FGF12: variants seen among roughly 807,000 people sequenced by gnomAD.
FGF12 encodes the protein fibroblast growth factor 12B.
FGF12 carries 14 observed loss-of-function variants against 23.6 expected under a neutral mutation model. The ratio of observed to expected loss-of-function variants is 0.59; its 90% CI spans 0.39 to 0.93. FGF12 has a LOEUF of 0.93. Ranked by LOEUF, FGF12 falls within the 40% of genes least tolerant of loss-of-function variation. The pLI is 0.00. For missense variants in FGF12, 175 were observed against 217.8 expected, an observed-to-expected ratio of 0.80 and a Z score of 1.24; for synonymous variants, 62 against 77.3, an observed-to-expected ratio of 0.80 and a Z score of 1.04.
At chr3:192,578,859 A>C (rs1180258097) in intron 2 of FGF12, among the ~76,000 whole-genome samples, 1 of 152,146 alleles carries the variant, frequency 6.6e-6, no homozygotes, top group Non-Finnish European at 1.5e-5. Flanking sequence ...CCACCTGCAA[A>C]GGAACAGCCT....
At chr3:192,254,170 C>G (rs998836363) in intron 4 of FGF12, among the ~76,000 whole-genome samples, 6 of 151,790 alleles carry the variant, frequency 4.0e-5, no homozygotes, top group Non-Finnish European at 8.8e-5. Flanking sequence ...CCAATATCTC[C>G]CCAACCCCTC....
intron 4 of FGF12, among the ~76,000 whole-genome samples, chr3:192,314,263 T>C (rs368991044): frequency 1.4e-4 from 21 of 151,514 alleles, no homozygotes; most frequent in Admixed American, 1.3e-3. Context: ...GTAAAGTATA[T>C]TGCTTAAAAT....
At chr3:192,323,224 CA>C (rs1227978924) in intron 4 of FGF12, among the ~76,000 whole-genome samples, 1 of 151,992 alleles carries the variant, frequency 6.6e-6, no homozygotes, top group African/African-American at 2.4e-5. Context: ...TAGGTATATC[CA>C]AAAGAAAGGA....
At chr3:192,602,359 A>C (rs1577074171) in intron 2 of FGF12, among the ~76,000 whole-genome samples, 7 of 152,136 alleles carry the variant, frequency 4.6e-5, no homozygotes, top group Admixed American at 4.6e-4. Context: ...GGGTAAGGTG[A>C]GGGGTATTTG....
chr3:192,708,384 C>T (rs1718553046), intron 2 of FGF12, among the ~76,000 whole-genome samples: 1 of 152,070 alleles, frequency 6.6e-6, no homozygotes, highest in African/African-American at 2.4e-5. Flanking sequence ...ACTTTAGCTA[C>T]TTTATGCCTC....
Position 192,564,252 on chromosome 3 carries a change from C to T in FGF12, c.13+162929G>A, listed in dbSNP as rs138438892. 6.0e-3 allele frequency among the ~76,000 whole-genome samples: 909 copies of T among 152,084 alleles called. 12 individuals carry two copies. The highest frequency in any genetic ancestry group is 0.021 in the African/African-American group (878 of 41,496). ...CTAATTTGTGTATTTTTAGTAGAGA[C>T]GGGGTTTCTCCATGTTGAGCAGGCT... On this transcript the variant is annotated intron_variant, in intron 2 of 5. Coordinates refer to ENST00000445105, the MANE Select transcript of FGF12 (RefSeq NM_004113.6).
intron 4 of FGF12, among the ~76,000 whole-genome samples, chr3:192,332,832 A>G (rs1717193921): frequency 6.6e-6 from 1 of 152,072 alleles, no homozygotes; most frequent in Non-Finnish European, 1.5e-5. Flanking sequence ...AGTGTTGCCT[A>G]CGACATAGAA....
intron 5 of FGF12, among the ~76,000 whole-genome samples, chr3:192,165,128 AT>A (rs1347631423): frequency 6.6e-6 from 1 of 151,714 alleles, no homozygotes; most frequent in Non-Finnish European, 1.5e-5. Context: ...TAATTTTCAT[AT>A]TTTTTAGTAG....
chr3:192,314,268 TAAAATTA>T (rs575683585), intron 4 of FGF12, among the ~76,000 whole-genome samples: 413 of 150,778 alleles, frequency 2.7e-3, no homozygotes, highest in African/African-American at 9.4e-3. Flanking sequence ...GTATATTGCT[TAAAATTA>T]AAAATTAAAA....
intron 2 of FGF12, among the ~76,000 whole-genome samples, chr3:192,667,513 G>A (rs1382377586): frequency 6.6e-6 from 1 of 151,198 alleles, no homozygotes; most frequent in Middle Eastern, 3.2e-3. Flanking sequence ...GGAAGGCTGC[G>A]GCAGGAGCAT....
chr3:192,612,653 G>A (rs1714589092), intron 2 of FGF12, among the ~76,000 whole-genome samples: 1 of 151,874 alleles, frequency 6.6e-6, no homozygotes, highest in African/African-American at 2.4e-5. Flanking sequence ...ATATAAAAAT[G>A]ACCTACAAAT....
chr3:192,256,824 T>A (rs1243705467), intron 4 of FGF12, among the ~76,000 whole-genome samples: 1 of 152,174 alleles, frequency 6.6e-6, no homozygotes, highest in Non-Finnish European at 1.5e-5. Flanking sequence ...TTCCCTCAAC[T>A]CAGGCAATTT....
At chr3:192,560,344 T>C (rs988924500) in intron 2 of FGF12, among the ~76,000 whole-genome samples, 2 of 150,930 alleles carry the variant, frequency 1.3e-5, no homozygotes, top group African/African-American at 4.9e-5. Flanking sequence ...CTCAAATAAA[T>C]AAAAAAATAA....
chr3:192,630,719 AT>A (rs372293531), intron 2 of FGF12, among the ~76,000 whole-genome samples: 42,102 of 145,168 alleles, frequency 0.29, 6,520 homozygotes, highest in African/African-American at 0.42. Context: ...CGCCCGGCTA[AT>A]TTTTTTTTTT....
intron 3 of FGF12, among the ~76,000 whole-genome samples, chr3:192,337,929 T>C (rs566054575): frequency 1.3e-5 from 2 of 152,316 alleles, no homozygotes; most frequent in South Asian, 4.1e-4. Flanking sequence ...GCAAGATTAA[T>C]TTTCAAAGTG....
chr3:192,415,730 T>A (rs1424766958), intron 2 of FGF12, among the ~76,000 whole-genome samples: 1 of 60,292 alleles, frequency 1.7e-5, no homozygotes, highest in African/African-American at 5.7e-5. Context: ...TCTCTCTCTC[T>A]CTCACACACA....
chr3:192,364,261 G>A (rs866796620), intron 2 of FGF12, among the ~76,000 whole-genome samples: 3 of 152,162 alleles, frequency 2.0e-5, no homozygotes, highest in Non-Finnish European at 4.4e-5. Flanking sequence ...AAGACAAATA[G>A]GGTCAATGGA....
In FGF12 at chr3:192,323,011, C is replaced by T. The variant is rs539468205; in HGVS notation, c.228+12350G>A. Among the ~76,000 whole-genome samples the T allele has an allele frequency of 1.2e-4, 18 of 152,258 alleles. No individual in the cohort carries two copies. The East Asian group carries it at 1.7e-3, about 15-fold the overall frequency. On this transcript the variant is annotated intron_variant, in intron 4 of 5. Transcript: ENST00000445105. ...ATCATCAGAGAAATGCAAATCAAAGCTATGATGGGATATCATGTCACTCTA... is the reference window on the plus strand; with the variant it reads ...ATCATCAGAGAAATGCAAATCAAAGTTATGATGGGATATCATGTCACTCTA...
rs1234882681 is a variant in FGF12, at chr3:192,591,918, T to C, written c.13+135263A>G. Among the ~76,000 whole-genome samples the C allele has an allele frequency of 4.6e-5, 7 of 151,832 alleles. 1 individual carries two copies. Among genetic ancestry groups the C allele is most frequent in the Non-Finnish European group, 1.0e-4 (7 of 67,894 alleles). Reference sequence around the variant, plus strand: ...AAAATTGGAAGCTAAGCATTTTTTTTCTTTTTTTGCCACAGTACATAATCT... The same window carrying C: ...AAAATTGGAAGCTAAGCATTTTTTTCCTTTTTTTGCCACAGTACATAATCT... On this transcript the variant is annotated intron_variant, in intron 2 of 5. Coordinates refer to ENST00000445105, the MANE Select transcript of FGF12 (RefSeq NM_004113.6).
Sources: allele counts gnomAD v4.1 joint callset (sites outside exome capture counted in the v4.1 genomes callset), GRCh38; gene constraint gnomAD v4.1.1; transcripts MANE v1.5; gene names NCBI Gene and HGNC (gene_info 2026-07-23, HGNC 2026-07-21).